The following WWOX variants were observed in gnomAD, a reference collection of about 807,000 sequenced individuals.
The protein encoded by WWOX is WW domain containing oxidoreductase, also known as WW domain-containing oxidoreductase.
WWOX carries 69 observed loss-of-function variants against 46.2 expected under a neutral mutation model. The observed-to-expected ratio is 1.49, with a 90% CI of 1.23 to 1.82. WWOX has a LOEUF of 1.82. WWOX is among the 40% of genes most tolerant of loss of function. The pLI, the probability that WWOX is intolerant of heterozygous loss-of-function variation, is 0.00. For synonymous variants in WWOX, 359 were observed against 202.6 expected, an observed-to-expected ratio of 1.77 and a Z score of -6.56; for missense variants, 919 against 542.6, an observed-to-expected ratio of 1.69 and a Z score of -6.89.
intron 8 of WWOX, among the ~76,000 whole-genome samples, chr16:78,931,236 G>A (rs903810820): frequency 3.9e-5 from 6 of 152,194 alleles, no homozygotes; most frequent in African/African-American, 1.4e-4. Context: ...TGGAGATGCT[G>A]TGTGGGGAGG....
intron 8 of WWOX, among the ~76,000 whole-genome samples, chr16:78,714,360 G>A (rs1313532977): frequency 1.3e-5 from 2 of 152,016 alleles, no homozygotes; most frequent in Non-Finnish European, 2.9e-5. Context: ...GCCTTTGCAA[G>A]GGAACTGCCC....
intron 8 of WWOX, among the ~76,000 whole-genome samples, chr16:78,465,724 A>T (rs571424103): frequency 5.3e-5 from 8 of 152,188 alleles, no homozygotes; most frequent in Non-Finnish European, 1.0e-4. Context: ...TGCCCAGGTA[A>T]ATAATACCCA....
intron 8 of WWOX, among the ~76,000 whole-genome samples, chr16:79,169,108 C>G (rs1212806722): frequency 6.6e-6 from 1 of 152,202 alleles, no homozygotes; most frequent in Non-Finnish European, 1.5e-5. Context: ...TAATCCTCCA[C>G]TTCACAATTC....
At chr16:78,685,906 A>T (rs563608061) in intron 8 of WWOX, among the ~76,000 whole-genome samples, 1 of 148,928 alleles carries the variant, frequency 6.7e-6, no homozygotes, top group Non-Finnish European at 1.5e-5. Context: ...AAAAACAAAA[A>T]AGAAAAAGAA....
At chr16:78,484,852 C>A (rs554014508) in intron 8 of WWOX, among the ~76,000 whole-genome samples, 1 of 152,238 alleles carries the variant, frequency 6.6e-6, no homozygotes, top group African/African-American at 2.4e-5. Flanking sequence ...TGTGAAGTGC[C>A]ATTGCATTTG....
At chr16:78,120,870 C>G (rs947192752) in intron 4 of WWOX, among the ~76,000 whole-genome samples, 2 of 152,216 alleles carry the variant, frequency 1.3e-5, no homozygotes, top group African/African-American at 4.8e-5. Flanking sequence ...TAAATCCACA[C>G]TTCCCAATTA....
Position 78,454,164 on chromosome 16 carries a change from C to G in WWOX, c.1056+21412C>G, listed in dbSNP as rs186006365. Among the ~76,000 whole-genome samples the G allele has an allele frequency of 3.9e-3, 598 of 152,316 alleles. 3 individuals carry two copies. Among genetic ancestry groups the G allele is most frequent in the Non-Finnish European group, 6.9e-3 (471 of 68,022 alleles). ...ATTGGTCTCCGGGCATACTCCTAAT[C>G]TAATTGTTTCCCAAACTTTCAATGT... On this transcript the variant is annotated intron_variant, in intron 8 of 8. Coordinates refer to ENST00000566780, the MANE Select transcript of WWOX (RefSeq NM_016373.4).
At chr16:78,650,482 A>G (rs978765518) in intron 8 of WWOX, among the ~76,000 whole-genome samples, 15 of 152,096 alleles carry the variant, frequency 9.9e-5, no homozygotes, top group African/African-American at 2.2e-4. Flanking sequence ...TGCCCATGCA[A>G]TGCTTGAGAT....
chr16:78,879,002 G>C (rs989948683), intron 8 of WWOX, among the ~76,000 whole-genome samples: 2 of 151,502 alleles, frequency 1.3e-5, no homozygotes, highest in Non-Finnish European at 2.9e-5. Context: ...AGGAATTTGA[G>C]GTTGCAGTGA....
chr16:78,569,514 C>G (rs552158156), intron 8 of WWOX, among the ~76,000 whole-genome samples: 1 of 152,146 alleles, frequency 6.6e-6, no homozygotes, highest in African/African-American at 2.4e-5. Context: ...GCAATTTTAT[C>G]GGCTCCTTTT....
At chr16:78,801,142 C>G (rs2050875049) in intron 8 of WWOX, among the ~76,000 whole-genome samples, 1 of 151,934 alleles carries the variant, frequency 6.6e-6, no homozygotes, top group Admixed American at 6.6e-5. Context: ...CAGCCTCCAC[C>G]TCTGCCTCCC....
intron 8 of WWOX, among the ~76,000 whole-genome samples, chr16:79,091,346 C>G (rs1211357367): frequency 1.3e-5 from 2 of 151,542 alleles, no homozygotes; most frequent in Admixed American, 6.6e-5. Context: ...TTTTTGTAAT[C>G]TCATTCCTGT....
intron 8 of WWOX, among the ~76,000 whole-genome samples, chr16:78,549,324 A>G (rs2044121927): frequency 6.6e-6 from 1 of 152,224 alleles, no homozygotes; most frequent in Non-Finnish European, 1.5e-5. Context: ...GTTCAACCTG[A>G]TTGAATCTGC....
intron 8 of WWOX, among the ~76,000 whole-genome samples, chr16:78,948,485 ACCT>A (rs2045992352): frequency 6.6e-6 from 1 of 150,898 alleles, no homozygotes; most frequent in African/African-American, 2.4e-5. Context: ...GCTTTTGAGA[ACCT>A]CCCGTTTCCT....
At chr16:78,904,714 A>G (rs1360940767) in intron 8 of WWOX, among the ~76,000 whole-genome samples, 2 of 152,170 alleles carry the variant, frequency 1.3e-5, no homozygotes, top group Non-Finnish European at 2.9e-5. Context: ...CAATAGGCGT[A>G]TGTCAAGATA....
chr16:78,606,762 C>A (rs920553647), intron 8 of WWOX, among the ~76,000 whole-genome samples: 3 of 128,712 alleles, frequency 2.3e-5, no homozygotes, highest in African/African-American at 9.3e-5. Context: ...ACGCTATTGT[C>A]ATTCAGAAAG....
chr16:78,317,397 C>G (rs190428572), intron 5 of WWOX, among the ~76,000 whole-genome samples: 7 of 152,284 alleles, frequency 4.6e-5, no homozygotes. Context: ...GATACTGCAT[C>G]TAGCAGATAG....
chr16:78,784,231 C>G (rs1000274940), intron 8 of WWOX, among the ~76,000 whole-genome samples: 1 of 152,064 alleles, frequency 6.6e-6, no homozygotes, highest in Non-Finnish European at 1.5e-5. Context: ...TATTATCCTC[C>G]TTTTATAGAT....
chr16:78,369,689 G>C (rs753397861), intron 5 of WWOX, among the ~76,000 whole-genome samples: 1 of 152,092 alleles, frequency 6.6e-6, no homozygotes, highest in African/African-American at 2.4e-5. Context: ...GTCTCTCTCG[G>C]TGGGAGGATT....
Sources: gnomAD v4.1 joint callset for allele counts (sites outside exome capture counted in the v4.1 genomes callset) on GRCh38, gnomAD v4.1.1 for gene constraint, MANE v1.5 for transcripts, NCBI Gene and HGNC (gene_info 2026-07-23, HGNC 2026-07-21) for gene names.